PRDM15: variants seen among roughly 807,000 people sequenced by gnomAD.
The protein encoded by PRDM15 is PR/SET domain 15.
Under a neutral mutation model 128.6 loss-of-function variants are expected in PRDM15, and 64 were observed. The ratio of observed to expected loss-of-function variants is 0.50; its 90% CI spans 0.41 to 0.61. PRDM15 has a LOEUF of 0.61. Among genes scored for constraint, PRDM15 ranks in the 20% least tolerant of loss-of-function variants. The pLI is 0.00. For synonymous variants in PRDM15, 615 were observed against 621.8 expected, an observed-to-expected ratio of 0.99 and a Z score of 0.16; for missense variants, 1,242 against 1,569.1, an observed-to-expected ratio of 0.79 and a Z score of 3.52.
In PRDM15 at chr21:41,829,880, TCAA is replaced by T. The variant is rs1351913017; in HGVS notation, c.1367-1550_1367-1548del. On this transcript the variant is annotated intron_variant, in intron 11 of 23. Transcript: ENST00000398548. ...TATCACATACCACATACACACACACTCAACACACACCACACACAAATATACATT... is the reference window on the plus strand; with the variant it reads ...TATCACATACCACATACACACACACTCACACACCACACACAAATATACATT... Among the ~76,000 whole-genome samples the T allele has an allele frequency of 3.5e-5, 5 of 143,268 alleles. No homozygotes were observed. The East Asian group carries it at 8.4e-4, about 24-fold the overall frequency. 94.0% of individuals were successfully genotyped at this position (143,268 alleles called of 152,430 possible).
At chr21:41,823,885 T>C (rs2057184562) in intron 13 of PRDM15, among the ~76,000 whole-genome samples, 2 of 152,238 alleles carry the variant, frequency 1.3e-5, no homozygotes, top group African/African-American at 2.4e-5. Context: ...GTCTCTGATT[T>C]CCTGCTCTTT....
chr21:41,847,075 A>G lies in PRDM15; in HGVS notation c.640+15T>C, dbSNP rs2063288004. On this transcript the variant is annotated intron_variant, in intron 6 of 23. Coordinates refer to ENST00000398548, the MANE Select transcript of PRDM15 (RefSeq NM_001040424.3). ...AGGAGTTTTACAACTGGGGCTCCCCACACGTCCTCCTTACCATTGAGGAGC... is the reference window on the plus strand; with the variant it reads ...AGGAGTTTTACAACTGGGGCTCCCCGCACGTCCTCCTTACCATTGAGGAGC... 1 of 1,512,082 alleles carries G rather than the reference A, an allele frequency of 6.6e-7. No individual in the cohort carries two copies. The highest frequency in any genetic ancestry group is 1.4e-5 in the African/African-American group (1 of 72,422). 93.7% of individuals were successfully genotyped at this position (1,512,082 alleles called of 1,614,324 possible). A position where few individuals can be genotyped will look rare whatever the true frequency, so the allele number is the denominator to read the frequency against.
At chr21:41,815,974 C>T (rs951636917) in intron 18 of PRDM15, 138 bp from the exon 19 acceptor site, 126 of 1,081,836 alleles carry the variant, frequency 1.2e-4, no homozygotes, top group East Asian at 2.3e-4. Context: ...CCGAGGATCC[C>T]GGTCAGTCCA....
rs2062528754 is a variant in PRDM15 at position 41,828,016 on chromosome 21, T to C, written c.1534+150A>G. 7.0e-6 allele frequency: 5 copies of C among 717,944 alleles called. No homozygotes were observed. The highest frequency in any genetic ancestry group is 1.2e-5 in the Non-Finnish European group (5 of 428,270). The allele number at this position is 717,944 out of a possible 1,614,324, so 44.5% of individuals were successfully genotyped here. ...CCTGAGACAGGTTCTCAGAAGAGGA[T>C]GAGCCCATCGGATGGCGGGCGTTTC... On this transcript the variant is annotated intron_variant, in intron 12 of 23. Transcript: ENST00000398548. This position sits in a 1 kb window ranked among gnomAD's most constrained non-coding sequence, Gnocchi z 5.7.
At position 41,820,188 on chromosome 21, in the gene PRDM15, C is replaced by G; in HGVS notation, c.2061-14G>C. On this transcript the variant is annotated splice_polypyrimidine_tract_variant and intron_variant, in intron 16 of 23. Coordinates refer to ENST00000398548, the MANE Select transcript of PRDM15 (RefSeq NM_001040424.3). ...GGGTGGATGTACCTGAAACCAGAGA[C>G]AAGCTCAGGATGGCCGCACAGCCTC... 1 of 1,612,130 alleles carries G rather than the reference C, an allele frequency of 6.2e-7. No individual in the cohort carries two copies. Among genetic ancestry groups the G allele is most frequent in the Non-Finnish European group, 8.5e-7 (1 of 1,178,964 alleles).
intron 6 of PRDM15, among the ~76,000 whole-genome samples, chr21:41,843,486 T>A (rs930109428): frequency 6.6e-6 from 1 of 152,216 alleles, no homozygotes; most frequent in African/African-American, 2.4e-5. Flanking sequence ...GTGCCATCTT[T>A]TCTGGCCATC....
At chr21:41,823,136 G>A (rs2062341892) in intron 14 of PRDM15, 182 bp downstream of exon 14, 2 of 769,944 alleles carry the variant, frequency 2.6e-6, no homozygotes, top group African/African-American at 1.7e-5. Flanking sequence ...GAACCAGGAA[G>A]TGAGCCTCGC....
intron 4 of PRDM15, among the ~76,000 whole-genome samples, chr21:41,855,285 G>A (rs1292086794): frequency 3.3e-5 from 5 of 152,170 alleles, no homozygotes; most frequent in African/African-American, 1.2e-4. Flanking sequence ...CCGCCACAGG[G>A]TGCTGGGCTC....
rs1321584989 is a variant in PRDM15, at chr21:41,859,262, C to A, written c.131+330G>T. ...CAGAGAGAAGCCAACGAGCAGACCTCCAGCTTGGCTGCTGGTGCTCAGCAC... is the reference window on the plus strand; with the variant it reads ...CAGAGAGAAGCCAACGAGCAGACCTACAGCTTGGCTGCTGGTGCTCAGCAC... On this transcript the variant is annotated intron_variant, in intron 3 of 23. Coordinates refer to ENST00000398548, the MANE Select transcript of PRDM15 (RefSeq NM_001040424.3). This position sits in a 1 kb window ranked among gnomAD's most constrained non-coding sequence, Gnocchi z 5.3. 9 of 1,594,650 alleles carry A rather than the reference C, an allele frequency of 5.6e-6. No individual in the cohort carries two copies. Among genetic ancestry groups the A allele is most frequent in the African/African-American group, 1.3e-5 (1 of 74,604 alleles).
chr21:41,848,485 GCTCT>G (rs2063335189), intron 5 of PRDM15, among the ~76,000 whole-genome samples: 2 of 152,234 alleles, frequency 1.3e-5, no homozygotes, highest in Admixed American at 1.3e-4. Context: ...TTTTACGCTT[GCTCT>G]CTGAGAATCC....
intron 23 of PRDM15, 44 bp downstream of exon 23, chr21:41,802,668 G>C: frequency 6.5e-7 from 1 of 1,530,436 alleles, no homozygotes; most frequent in Non-Finnish European, 9.1e-7. Context: ...CATGCTTAGG[G>C]AAAGTGACCG....
At position 41,835,536 on chromosome 21, in the gene PRDM15, G is replaced by T; in HGVS notation, c.1279-12C>A. 1 of 1,603,678 alleles carries T rather than the reference G, an allele frequency of 6.2e-7. No homozygotes were observed. The highest frequency in any genetic ancestry group is 8.5e-7 in the Non-Finnish European group (1 of 1,176,578). On this transcript the variant is annotated splice_polypyrimidine_tract_variant and intron_variant, in intron 10 of 23. Coordinates refer to ENST00000398548, the MANE Select transcript of PRDM15 (RefSeq NM_001040424.3). The stretch of plus-strand genomic sequence containing the variant: ...TACTCGCCGTCCACCTGGTCAGAGG[G>T]ACACGCCGTGAGTGAGATGGCCCAG...
chr21:41,873,973 G>A (rs1243557834), intron 1 of PRDM15, among the ~76,000 whole-genome samples: 1 of 151,728 alleles, frequency 6.6e-6, no homozygotes, highest in East Asian at 1.9e-4. Context: ...TTGAACCCAG[G>A]AGGTAGAGGC....
intron 1 of PRDM15, chr21:41,878,993 G>T: frequency 1.0e-6 from 1 of 1,004,060 alleles, no homozygotes. Context: ...GCGGCGGCGG[G>T]ACCCGGCGGG....
intron 1 of PRDM15, among the ~76,000 whole-genome samples, chr21:41,865,513 AC>A (rs2145962917): frequency 6.6e-6 from 1 of 151,344 alleles, no homozygotes; most frequent in African/African-American, 2.4e-5. Context: ...CCCCTAACAC[AC>A]CCCAGGCTGT....
At chr21:41,845,646 C>G (rs751428231) in intron 6 of PRDM15, among the ~76,000 whole-genome samples, 2 of 152,012 alleles carry the variant, frequency 1.3e-5, no homozygotes, top group Admixed American at 6.5e-5. Flanking sequence ...GGTGTTGACT[C>G]AAGGAAGTTT....
intron 11 of PRDM15, chr21:41,834,625 C>T (rs748831520): frequency 3.3e-5 from 46 of 1,400,478 alleles, no homozygotes; most frequent in Non-Finnish European, 4.2e-5. Context: ...GCTGGGGACC[C>T]CCACTGCTTG....
intron 1 of PRDM15, among the ~76,000 whole-genome samples, chr21:41,878,531 C>G (rs2064503578): frequency 6.6e-6 from 1 of 152,190 alleles, no homozygotes; most frequent in Non-Finnish European, 1.5e-5. Flanking sequence ...CCCCACCTGT[C>G]CACGCGAGGC....
intron 1 of PRDM15, among the ~76,000 whole-genome samples, chr21:41,878,492 T>C (rs1216683951): frequency 6.6e-6 from 1 of 152,130 alleles, no homozygotes; most frequent in Non-Finnish European, 1.5e-5. Context: ...ACACCTCCCC[T>C]CTAGCAGGAC....
Sources: gnomAD v4.1 joint callset for allele counts (sites outside exome capture counted in the v4.1 genomes callset) on GRCh38, gnomAD v4.1.1 for gene constraint, Gnocchi (gnomAD v3.1) non-coding constraint, MANE v1.5 for transcripts, NCBI Gene and HGNC (gene_info 2026-07-23, HGNC 2026-07-21) for gene names.